MND1: variants seen among roughly 807,000 people sequenced by gnomAD.
The protein encoded by MND1 is meiotic nuclear division protein 1 homolog.
In MND1, 28 loss-of-function variants were observed where a neutral mutation model predicts 35.1. The observed-to-expected ratio is 0.80, with a 90% CI of 0.59 to 1.09. MND1 has a LOEUF of 1.09. MND1 is among the 50% of genes least tolerant of loss of function. MND1 has a pLI of 0.00. For missense variants in MND1, 213 were observed against 239.6 expected, an observed-to-expected ratio of 0.89 and a Z score of 0.73; for synonymous variants, 69 against 70.5, an observed-to-expected ratio of 0.98 and a Z score of 0.11.
rs1270273334 is a variant in MND1, at chr4:153,358,220, G to C, written c.128-254G>C. 5.9e-5 allele frequency among the ~76,000 whole-genome samples: 9 copies of C among 152,276 alleles called. No individual in the cohort carries two copies. In the East Asian group the frequency reaches 1.5e-3, roughly 26 times the overall value. Reference sequence around the variant, plus strand: ...GAGTTAGGATTAGAACTCAGGTCCTGTTCTTAATCCTGTATATTACTTGTT... The same window carrying C: ...GAGTTAGGATTAGAACTCAGGTCCTCTTCTTAATCCTGTATATTACTTGTT... On this transcript the variant is annotated intron_variant, in intron 3 of 7. Transcript: ENST00000240488.
At chr4:153,377,586 G>A (rs1417084617) in intron 4 of MND1, among the ~76,000 whole-genome samples, 1 of 152,178 alleles carries the variant, frequency 6.6e-6, no homozygotes, top group Non-Finnish European at 1.5e-5. Flanking sequence ...GCAATATGGT[G>A]TGATATATGC....
chr4:153,412,628 G>A (rs1003013114), intron 7 of MND1, among the ~76,000 whole-genome samples: 9 of 151,150 alleles, frequency 6.0e-5, no homozygotes, highest in African/African-American at 2.2e-4. Flanking sequence ...GATTATAGGC[G>A]CACACCACCA....
intron 6 of MND1, among the ~76,000 whole-genome samples, chr4:153,408,230 A>G (rs1164382522): frequency 6.6e-6 from 1 of 152,210 alleles, no homozygotes; most frequent in Non-Finnish European, 1.5e-5. Flanking sequence ...TGATCACACC[A>G]TGGTACTCCA....
intron 4 of MND1, among the ~76,000 whole-genome samples, chr4:153,358,879 A>G (rs1260065395): frequency 1.3e-5 from 2 of 152,104 alleles, no homozygotes; most frequent in Non-Finnish European, 2.9e-5. Flanking sequence ...TTATCAATAG[A>G]TGGTTTTTTG....
chr4:153,380,067 A>G (rs534212406), intron 4 of MND1, among the ~76,000 whole-genome samples: 2 of 29,336 alleles, frequency 6.8e-5, no homozygotes, highest in Non-Finnish European at 1.2e-4. Flanking sequence ...GAATAAAGAA[A>G]ATTAAATGGT....
intron 4 of MND1, chr4:153,361,513 G>A: frequency 2.2e-6 from 1 of 456,232 alleles, no homozygotes; most frequent in South Asian, 1.5e-5. Context: ...GACCCTGGCT[G>A]CTGCTTCCAT....
intron 7 of MND1, among the ~76,000 whole-genome samples, chr4:153,411,874 C>G (rs1421925963): frequency 6.6e-6 from 1 of 152,028 alleles, no homozygotes; most frequent in Non-Finnish European, 1.5e-5. Context: ...TTTTTTTTCA[C>G]TCTTATGTCA....
chr4:153,366,086 A>T (rs1773630310), intron 4 of MND1, among the ~76,000 whole-genome samples: 2 of 152,156 alleles, frequency 1.3e-5, no homozygotes, highest in Admixed American at 6.5e-5. Flanking sequence ...TGCCTCTTTC[A>T]ATTTCTGTGG....
At chr4:153,358,417 C>G in intron 3 of MND1, 57 bp from the exon 4 acceptor site, 3 of 1,410,242 alleles carry the variant, frequency 2.1e-6, no homozygotes, top group Non-Finnish European at 2.8e-6. Flanking sequence ...GTTATTTGTC[C>G]TTTAATTTTA....
chr4:153,352,746 TAAAA>T (rs56770218), intron 2 of MND1, among the ~76,000 whole-genome samples: 33 of 114,960 alleles, frequency 2.9e-4, no homozygotes, highest in African/African-American at 8.0e-4. Context: ...GACCCTATCT[TAAAA>T]AAAAAAAAAA....
At chr4:153,410,413 C>A (rs1729649374) in intron 7 of MND1, among the ~76,000 whole-genome samples, 1 of 152,000 alleles carries the variant, frequency 6.6e-6, no homozygotes, top group Non-Finnish European at 1.5e-5. Context: ...TTACAACTTA[C>A]TCCTTCCAGC....
At chr4:153,391,080 T>A (rs1051907879) in intron 4 of MND1, among the ~76,000 whole-genome samples, 1 of 152,090 alleles carries the variant, frequency 6.6e-6, no homozygotes, top group Non-Finnish European at 1.5e-5. Flanking sequence ...TTGGAAAAAA[T>A]TATTTACTCC....
intron 3 of MND1, among the ~76,000 whole-genome samples, chr4:153,357,241 C>T (rs1407706087): frequency 2.0e-5 from 3 of 152,170 alleles, no homozygotes; most frequent in African/African-American, 7.2e-5. Context: ...GAGAGTCCCT[C>T]ACACTTTTAT....
At chr4:153,386,328 A>C (rs575984351) in intron 4 of MND1, among the ~76,000 whole-genome samples, 1 of 141,648 alleles carries the variant, frequency 7.1e-6, no homozygotes, top group South Asian at 2.2e-4. Context: ...TCGTCTCTAC[A>C]AAAAAAAAAA....
intron 4 of MND1, among the ~76,000 whole-genome samples, chr4:153,370,198 C>G (rs1240495974): frequency 1.3e-5 from 2 of 152,004 alleles, no homozygotes; most frequent in East Asian, 3.9e-4. Flanking sequence ...AGGAGAATCA[C>G]TTGAACCTAG....
rs375547555 is a variant in MND1, at chr4:153,379,325, G to GAAAA, written c.277-14929_277-14926dup. 9.8e-5 allele frequency among the ~76,000 whole-genome samples: 13 copies of GAAAA among 132,128 alleles called. 1 individual carries two copies. Among genetic ancestry groups the GAAAA allele is most frequent in the African/African-American group, 3.6e-4 (13 of 36,006 alleles). 86.7% of individuals were successfully genotyped at this position (132,128 alleles called of 152,430 possible). The stretch of plus-strand genomic sequence containing the variant: ...AAAAAGAAGAAGAAGAAGAAGAAAA[G>GAAAA]AAAAAAAAAAAGAAACCACAAAAGC... On this transcript the variant is annotated intron_variant, in intron 4 of 7. Transcript: ENST00000240488.
intron 4 of MND1, among the ~76,000 whole-genome samples, chr4:153,360,938 C>T (rs1288799045): frequency 6.6e-6 from 1 of 152,120 alleles, no homozygotes; most frequent in Non-Finnish European, 1.5e-5. Flanking sequence ...CTCCCAGGCC[C>T]AAGCCATCCT....
chr4:153,375,917 A>G, intron 4 of MND1, among the ~76,000 whole-genome samples: 1 of 152,184 alleles, frequency 6.6e-6, no homozygotes, highest in East Asian at 1.9e-4. Context: ...TGTGACACAG[A>G]TGCATTTCTG....
intron 4 of MND1, among the ~76,000 whole-genome samples, chr4:153,390,086 A>G (rs1050680122): frequency 2.0e-5 from 3 of 150,854 alleles, no homozygotes; most frequent in Non-Finnish European, 4.4e-5. Context: ...GATAGTTTAT[A>G]TATGGCGACT....
Sources: gnomAD v4.1 joint callset for allele counts (sites outside exome capture counted in the v4.1 genomes callset) on GRCh38, gnomAD v4.1.1 for gene constraint, MANE v1.5 for transcripts, NCBI Gene and HGNC (gene_info 2026-07-23, HGNC 2026-07-21) for gene names.